Variants in DLG5 observed in about 807,000 individuals in gnomAD.
DLG5 encodes discs large MAGUK scaffold protein 5.
DLG5 carries 48 observed loss-of-function variants against 189.8 expected under a neutral mutation model. The ratio of observed to expected loss-of-function variants is 0.25; its 90% CI spans 0.20 to 0.32. DLG5 has a LOEUF of 0.32. Ranked by LOEUF, DLG5 falls within the 10% of genes least tolerant of loss-of-function variation. The probability of loss-of-function intolerance (pLI) is 1.00; values close to 1 mark genes in which losing one functional copy is unlikely to be tolerated. For missense variants in DLG5, 2,160 were observed against 2,544.7 expected, an observed-to-expected ratio of 0.85 and a Z score of 3.25; for synonymous variants, 1,016 against 1,054.1, an observed-to-expected ratio of 0.96 and a Z score of 0.70.
chr10:77,796,677 C>A lies in DLG5; in HGVS notation c.5165-83G>T. 1.3e-6 allele frequency: 2 copies of A among 1,556,814 alleles called. No homozygotes were observed. The highest frequency in any genetic ancestry group is 1.2e-5 in the South Asian group (1 of 86,548). On this transcript the variant is annotated intron_variant, in intron 27 of 31. Transcript: ENST00000372391. This position sits in a 1 kb window ranked among gnomAD's most constrained non-coding sequence, Gnocchi z 5.2. ...GGGCTGGGGAACCCCGCTCCCTGAC[C>A]TCGCCCACTCTGGTTTGCCTGGGAC... is the stretch of plus-strand genomic sequence containing the variant.
intron 27 of DLG5, among the ~76,000 whole-genome samples, chr10:77,803,935 G>T (rs1189432002): frequency 1.4e-5 from 2 of 147,086 alleles, no homozygotes; most frequent in African/African-American, 5.1e-5. Context: ...TGTTGCCTGG[G>T]CTAGAGTGCA....
At position 77,841,949 on chromosome 10, in the gene DLG5, C is replaced by T. The variant is rs201634813; in HGVS notation, c.1369G>A (p.Glu457Lys). The T allele has an allele frequency of 1.6e-5, 26 of 1,614,104 alleles. No individual in the cohort carries two copies. In the African/African-American group the frequency reaches 2.0e-4, roughly 12 times the overall value. The change falls in exon 7 of 32, where the codon GAG becomes AAG. Residue 457 changes from glutamate (E) to lysine (K), a missense_variant. By Grantham distance (56) the Glu-to-Lys change is moderately conservative. Coordinates refer to ENST00000372391, the MANE Select transcript of DLG5 (RefSeq NM_004747.4). ...GATGTGCTGCTCTTGAGCTTGGACT[C>T]GGCCAGCTCCACTTCGGTCTGCAGC... ...DKLQTEVELA[E>K]SKLKSSTSEK...
intron 2 of DLG5, chr10:77,868,192 G>C: frequency 2.3e-6 from 1 of 436,610 alleles, no homozygotes; most frequent in Admixed American, 2.4e-5. Flanking sequence ...TGTTATAGCA[G>C]CCCTAGAAAA....
At chr10:77,818,577 G>A (rs1461296234) in intron 17 of DLG5, among the ~76,000 whole-genome samples, 6 of 152,148 alleles carry the variant, frequency 3.9e-5, no homozygotes, top group African/African-American at 7.2e-5. Flanking sequence ...CCTTGGCACC[G>A]ATGGCCCTTC....
intron 16 of DLG5, 140 bp downstream of exon 16, chr10:77,819,755 G>C: frequency 7.3e-7 from 1 of 1,368,130 alleles, no homozygotes; most frequent in Non-Finnish European, 9.8e-7. Flanking sequence ...TCCCAGACAG[G>C]ACAGCATTTC....
At position 77,796,275 on chromosome 10, in the gene DLG5, C is replaced by T; in HGVS notation, c.5309-87G>A. ...GCAGGGGAAGAACACTGCTCAGCAGCTGTCAGTAACCCAGTCCTGCCATGC... is the reference window on the plus strand; with the variant it reads ...GCAGGGGAAGAACACTGCTCAGCAGTTGTCAGTAACCCAGTCCTGCCATGC... On this transcript the variant is annotated intron_variant, in intron 28 of 31. Transcript: ENST00000372391. This position sits in a 1 kb window ranked among gnomAD's most constrained non-coding sequence, Gnocchi z 5.2. The T allele has an allele frequency of 6.2e-7, 1 of 1,603,486 alleles. No individual in the cohort carries two copies. The highest frequency in any genetic ancestry group is 8.5e-7 in the Non-Finnish European group (1 of 1,173,178).
rs745631776 is a variant in DLG5 at position 77,794,862 on chromosome 10, C to G, written c.5533G>C (p.Ala1845Pro). Residue 1845 changes from alanine to proline, a missense_variant, in exon 30 of 32, where the codon GCC (alanine) becomes CCC (proline). By Grantham distance (27) the Ala-to-Pro change is conservative. This residue lies in a region of DLG5 where 574 missense variants were observed against 644.2 expected (regional missense o/e 0.89). Transcript: ENST00000372391. ...PIVIFIHYKS[A>P]KHIKEQRDPI... ...CCAGTTACCTACTTGATGTGCTTGG[C>G]GCTCTTGTAGTGGATGAAGATGACA... 1 of 1,613,994 alleles carries G rather than the reference C, an allele frequency of 6.2e-7. No individual in the cohort carries two copies.
At chr10:77,872,841 C>T (rs2154577155) in intron 1 of DLG5, among the ~76,000 whole-genome samples, 1 of 152,126 alleles carries the variant, frequency 6.6e-6, no homozygotes, top group Admixed American at 6.5e-5. Context: ...TCATCTTCTG[C>T]CATGGCCCAA....
intron 14 of DLG5, among the ~76,000 whole-genome samples, chr10:77,823,545 T>G (rs77997773): frequency 6.6e-6 from 1 of 151,480 alleles, no homozygotes. Flanking sequence ...TTTTTTTTTT[T>G]TTGAGACAGA....
At chr10:77,917,341 CA>C (rs571018721) in intron 1 of DLG5, among the ~76,000 whole-genome samples, 2 of 148,216 alleles carry the variant, frequency 1.3e-5, no homozygotes, top group Admixed American at 1.4e-4. Context: ...GACTCCATCT[CA>C]AAAAAAAACA....
At chr10:77,900,372 C>T (rs902542695) in intron 1 of DLG5, among the ~76,000 whole-genome samples, 1 of 152,168 alleles carries the variant, frequency 6.6e-6, no homozygotes, top group Admixed American at 6.5e-5. Flanking sequence ...TATCCTCACG[C>T]TTCTGCTTCT....
intron 22 of DLG5, 28 bp downstream of exon 22, chr10:77,811,896 C>T: frequency 1.3e-6 from 2 of 1,589,262 alleles, no homozygotes; most frequent in Non-Finnish European, 1.7e-6. Flanking sequence ...ACCCCCAGCC[C>T]AGACGGCCCT....
chr10:77,887,701 GA>G (rs1845479933), intron 1 of DLG5, among the ~76,000 whole-genome samples: 1 of 152,232 alleles, frequency 6.6e-6, no homozygotes, highest in South Asian at 2.1e-4. Flanking sequence ...GATGAGATAA[GA>G]GATTCATGGG....
At chr10:77,829,760 T>A (rs181713067) in intron 11 of DLG5, among the ~76,000 whole-genome samples, 1 of 152,322 alleles carries the variant, frequency 6.6e-6, no homozygotes, top group Admixed American at 6.5e-5. Context: ...ACCTAGCCCC[T>A]CCAGGCCTCA....
rs748944638 is a variant in DLG5, at chr10:77,821,109, T to C, written c.3375A>G (p.Pro1125=). The C allele has an allele frequency of 6.2e-7, 1 of 1,613,626 alleles. No homozygotes were observed. The highest frequency in any genetic ancestry group is 2.2e-5 in the East Asian group (1 of 44,868). Residue 1125 remains proline, a synonymous_variant, in exon 15 of 32, where the codon CCA becomes CCG. Coordinates refer to ENST00000372391, the MANE Select transcript of DLG5 (RefSeq NM_004747.4). ...CCAGGAACTGAGCAGGAATCACTACTGGAGCAAGCTTCGGCCGAAAACTGG... is the reference window on the plus strand; with the variant it reads ...CCAGGAACTGAGCAGGAATCACTACCGGAGCAAGCTTCGGCCGAAAACTGG... ...SAPSFRPKLA[P]VVIPAQFLEE... is the part of the protein sequence containing the mutation.
chr10:77,814,461 T>A (rs868572882), intron 20 of DLG5, among the ~76,000 whole-genome samples: 26 of 70,744 alleles, frequency 3.7e-4, no homozygotes, highest in South Asian at 7.0e-4. Context: ...TAAAGCATGT[T>A]TATATATATA....
At chr10:77,819,601 C>A in intron 16 of DLG5, 136 bp from the exon 17 acceptor site, 1 of 1,227,050 alleles carries the variant, frequency 8.1e-7, no homozygotes, top group Non-Finnish European at 1.1e-6. Context: ...TTTTAACCAC[C>A]AATTCACAAT....
chr10:77,898,251 T>C (rs1845822359), intron 1 of DLG5, among the ~76,000 whole-genome samples: 1 of 152,180 alleles, frequency 6.6e-6, no homozygotes, highest in African/African-American at 2.4e-5. Context: ...TGTTTCCACA[T>C]CTCCACCCTC....
intron 5 of DLG5, chr10:77,846,835 C>T (rs895238361): frequency 4.9e-6 from 2 of 411,630 alleles, no homozygotes; most frequent in African/African-American, 2.1e-5. Context: ...AAGGTGGCAG[C>T]CGCGGGGAGA....
Sources: allele counts gnomAD v4.1 joint callset (sites outside exome capture counted in the v4.1 genomes callset), GRCh38; gene constraint gnomAD v4.1.1; regional missense constraint gnomAD v4.1.1; non-coding constraint Gnocchi (gnomAD v3.1); transcripts MANE v1.5; gene names NCBI Gene and HGNC (gene_info 2026-07-23, HGNC 2026-07-21).